The following VAC14 variants were observed in gnomAD, a reference collection of about 807,000 sequenced individuals.
VAC14 encodes the protein VAC14 component of PIKFYVE complex.
VAC14 carries 47 observed loss-of-function variants against 85.3 expected under a neutral mutation model. That is an observed-to-expected ratio of 0.55 (90% CI 0.44 to 0.70). The LOEUF (loss-of-function observed/expected upper bound fraction) is 0.70. Among genes scored for constraint, VAC14 ranks in the 30% least tolerant of loss-of-function variants. The pLI, the probability that VAC14 is intolerant of heterozygous loss-of-function variation, is 0.00. For synonymous variants in VAC14, 447 were observed against 430.5 expected, an observed-to-expected ratio of 1.04 and a Z score of -0.47; for missense variants, 861 against 1,004.3, an observed-to-expected ratio of 0.86 and a Z score of 1.93.
chr16:70,753,470 G>A (rs574752486), intron 12 of VAC14, among the ~76,000 whole-genome samples: 2 of 152,326 alleles, frequency 1.3e-5, no homozygotes, highest in South Asian at 2.1e-4. Flanking sequence ...TTCTGAGGAC[G>A]CAGGAACGCT....
chr16:70,692,080 C>A, intron 18 of VAC14: 1 of 981,372 alleles, frequency 1.0e-6, no homozygotes, highest in South Asian at 4.8e-5. Context: ...TCTCGGATGC[C>A]AAATGCCTGT....
At chr16:70,722,096 G>A (rs1251069724) in intron 14 of VAC14, among the ~76,000 whole-genome samples, 1 of 152,176 alleles carries the variant, frequency 6.6e-6, no homozygotes, top group Non-Finnish European at 1.5e-5. Context: ...GAACAATGAC[G>A]AGGACAACGG....
intron 1 of VAC14, among the ~76,000 whole-genome samples, chr16:70,789,965 TCTC>T (rs1251680309): frequency 1.3e-5 from 2 of 152,082 alleles, no homozygotes; most frequent in Non-Finnish European, 2.9e-5. Context: ...AGCCACCTCC[TCTC>T]CTGTCTCCTT....
intron 1 of VAC14, 145 bp from the exon 2 acceptor site, chr16:70,786,510 T>C: frequency 9.5e-7 from 1 of 1,058,068 alleles, no homozygotes; most frequent in Non-Finnish European, 1.3e-6. Flanking sequence ...CTCAGTTCTG[T>C]TGCTGGCTGA....
At chr16:70,779,424 T>C (rs181352171) in intron 9 of VAC14, among the ~76,000 whole-genome samples, 23 of 152,354 alleles carry the variant, frequency 1.5e-4, no homozygotes, top group African/African-American at 5.3e-4. Flanking sequence ...CTTGACAAAT[T>C]AGCTGAAACT....
chr16:70,763,070 A>G (rs764932381), intron 10 of VAC14, 45 bp from the exon 11 acceptor site: 4 of 1,612,430 alleles, frequency 2.5e-6, no homozygotes, highest in East Asian at 4.5e-5. Flanking sequence ...AGCCCACCAT[A>G]GCCCTCTCCC....
intron 12 of VAC14, among the ~76,000 whole-genome samples, chr16:70,758,967 G>C (rs1234279564): frequency 1.3e-5 from 2 of 152,236 alleles, no homozygotes; most frequent in East Asian, 3.9e-4. Context: ...AGAGACAACT[G>C]AGGATGCCAG....
chr16:70,776,263 G>C (rs1446441549), intron 9 of VAC14, among the ~76,000 whole-genome samples: 1 of 152,018 alleles, frequency 6.6e-6, no homozygotes, highest in Non-Finnish European at 1.5e-5. Context: ...ACCTCGCCCA[G>C]CTAATTTTTT....
intron 14 of VAC14, among the ~76,000 whole-genome samples, chr16:70,720,676 C>T (rs564325620): frequency 1.3e-5 from 2 of 152,312 alleles, no homozygotes; most frequent in East Asian, 3.9e-4. Context: ...CACAGGTTTA[C>T]TGATGACGAG....
intron 8 of VAC14, 47 bp downstream of exon 8, chr16:70,781,822 T>C: frequency 6.2e-7 from 1 of 1,601,688 alleles, no homozygotes; most frequent in Non-Finnish European, 8.5e-7. Context: ...AACTTCATAA[T>C]CCCTTTGGGG....
chr16:70,700,688 G>A (rs1438880604), intron 14 of VAC14, among the ~76,000 whole-genome samples: 1 of 152,212 alleles, frequency 6.6e-6, no homozygotes, highest in Non-Finnish European at 1.5e-5. Context: ...GCAGAGCCCA[G>A]ACAGTGCTTC....
At chr16:70,732,979 C>G (rs2054636981) in intron 13 of VAC14, among the ~76,000 whole-genome samples, 1 of 152,132 alleles carries the variant, frequency 6.6e-6, no homozygotes, top group African/African-American at 2.4e-5. Flanking sequence ...AAGAAAACAG[C>G]TTTATTGAGA....
chr16:70,693,114 C>G, intron 17 of VAC14, 143 bp from the exon 18 acceptor site: 1 of 1,152,906 alleles, frequency 8.7e-7, no homozygotes, highest in Non-Finnish European at 1.2e-6. Flanking sequence ...CTGTGTGGAC[C>G]CAGCCAGGTG....
chr16:70,728,241 G>C (rs1416720380), intron 14 of VAC14, among the ~76,000 whole-genome samples: 3 of 152,148 alleles, frequency 2.0e-5, no homozygotes, highest in African/African-American at 7.2e-5. Context: ...GGTGGGAAGG[G>C]AGGACCCACT....
At chr16:70,767,483 GCAGCTAGCTA>G (rs1221073284) in intron 10 of VAC14, among the ~76,000 whole-genome samples, 1 of 152,202 alleles carries the variant, frequency 6.6e-6, no homozygotes, top group African/African-American at 2.4e-5. Flanking sequence ...TATTTACAGG[GCAGCTAGCTA>G]CACCAGGAGA....
intron 1 of VAC14, among the ~76,000 whole-genome samples, chr16:70,791,956 T>C (rs1376305626): frequency 2.6e-5 from 4 of 152,120 alleles, no homozygotes; most frequent in Non-Finnish European, 4.4e-5. Flanking sequence ...CCTCTACTCT[T>C]ATAGTCCAGG....
intron 12 of VAC14, among the ~76,000 whole-genome samples, chr16:70,749,929 GGGGGCCT>G (rs2031242618): frequency 6.6e-6 from 1 of 152,186 alleles, no homozygotes; most frequent in Non-Finnish European, 1.5e-5. Flanking sequence ...AACCTCAACA[GGGGGCCT>G]GGGTCCCAGC....
At position 70,786,030 on chromosome 16, in the gene VAC14, C is replaced by G. The variant is rs1206342544; in HGVS notation, c.256-161G>C. ...CCCAAGCCTCATTCCCAGGAGAGGG[C>G]CCATGCCTAGGGGACCAGGCTGCAA... On this transcript the variant is annotated intron_variant, in intron 2 of 18. Coordinates refer to ENST00000261776, the MANE Select transcript of VAC14 (RefSeq NM_018052.5). 2 of 1,324,712 alleles carry G rather than the reference C, an allele frequency of 1.5e-6. 1 individual carries two copies. The highest frequency in any genetic ancestry group is 2.9e-5 in the South Asian group (2 of 69,194). 82.1% of individuals were successfully genotyped at this position (1,324,712 alleles called of 1,614,324 possible).
intron 12 of VAC14, among the ~76,000 whole-genome samples, chr16:70,754,344 G>A (rs993197750): frequency 1.1e-4 from 17 of 152,152 alleles, no homozygotes; most frequent in Non-Finnish European, 2.1e-4. Context: ...ACGATTTGCC[G>A]CCAAGCCTCA....
Sources: allele counts gnomAD v4.1 joint callset (sites outside exome capture counted in the v4.1 genomes callset), GRCh38; gene constraint gnomAD v4.1.1; transcripts MANE v1.5; gene names NCBI Gene and HGNC (gene_info 2026-07-23, HGNC 2026-07-21).